The following OTUD7B variants were observed in gnomAD, a reference collection of about 807,000 sequenced individuals.
OTUD7B encodes the protein OTU domain-containing protein 7B.
A neutral mutation model predicts 82.2 loss-of-function variants in OTUD7B; 34 were observed. That is an observed-to-expected ratio of 0.41 (90% CI 0.31 to 0.55). OTUD7B has a LOEUF of 0.55. OTUD7B is among the 20% of genes least tolerant of loss of function. OTUD7B has a pLI of 0.20. For missense variants in OTUD7B, 944 were observed against 1,062.1 expected (o/e 0.89, Z 1.55); for synonymous variants, 398 against 402.7 (o/e 0.99, Z 0.14).
At chr1:150,006,194 A>C (rs1479428805) in intron 1 of OTUD7B, among the ~76,000 whole-genome samples, 5 of 152,218 alleles carry the variant, frequency 3.3e-5, no homozygotes, top group Non-Finnish European at 7.3e-5. Context: ...ACACTGGCTC[A>C]CGCCTGTAAT....
rs1553775274 is a variant in OTUD7B at position 149,959,722 on chromosome 1, G to C, written c.807C>G (p.Pro269=). The C allele has an allele frequency of 6.2e-7, 1 of 1,613,882 alleles. No homozygotes were observed. The highest frequency in any genetic ancestry group is 1.7e-5 in the Admixed American group (1 of 60,002). The change falls in exon 7 of 12, where the codon CCC becomes CCG. Residue 269 remains proline (P), a synonymous_variant. Coordinates refer to ENST00000581312, the MANE Select transcript of OTUD7B (RefSeq NM_020205.4). Reference sequence around the variant, plus strand: ...CTCCATTGGTACCTAGATGCATTCGGGGTTCACTTGAGGCAAGCTTGATCA... The same window carrying C: ...CTCCATTGGTACCTAGATGCATTCGCGGTTCACTTGAGGCAAGCTTGATCA... ...NELIKLASSE[P]RMHLGTNGAN...
At chr1:150,025,363 C>T in the OTUD7B span, among the ~76,000 whole-genome samples, 28 of 151,112 alleles carry the variant, frequency 1.9e-4, no homozygotes, top group Non-Finnish European at 2.9e-4. Context: ...TGCAGTGAGC[C>T]GAGATCGTGC....
rs781873761 is a variant in OTUD7B at position 149,944,582 on chromosome 1, T to C, written c.1807A>G (p.Met603Val). 2 of 1,614,146 alleles carry C rather than the reference T, an allele frequency of 1.2e-6. No individual in the cohort carries two copies. Among genetic ancestry groups the C allele is most frequent in the Admixed American group, 3.3e-5 (2 of 60,020 alleles). The change falls in exon 12 of 12, where the codon ATG (methionine) becomes GTG (valine). Residue 603 changes from methionine to valine, a missense_variant. Transcript: ENST00000581312. Reference protein sequence around the residue: ...MQSLSILRTAMQGEGKFIFVG... With the variant: ...MQSLSILRTAVQGEGKFIFVG... ...AAAATAAACTTCCCCTCCCCTTGCA[T>C]GGCAGTCCTCAGAATGCTCAGGCTC...
chr1:150,061,414 T>C, the OTUD7B span, among the ~76,000 whole-genome samples: 1 of 152,260 alleles, frequency 6.6e-6, no homozygotes, highest in Admixed American at 6.5e-5. Context: ...TATTTTGTTA[T>C]AAAATCATAC....
the OTUD7B span, among the ~76,000 whole-genome samples, chr1:150,065,228 T>C: frequency 5.6e-3 from 858 of 152,252 alleles, 11 homozygotes; most frequent in African/African-American, 0.02. Context: ...CTGGCCACCA[T>C]GCCCAACTAA....
At chr1:149,987,891 CAGCTACAT>C (rs1651261811) in intron 1 of OTUD7B, among the ~76,000 whole-genome samples, 2 of 152,174 alleles carry the variant, frequency 1.3e-5, no homozygotes, top group Admixed American at 1.3e-4. Flanking sequence ...TAGATGTACA[CAGCTACAT>C]AGCTCATTCA....
Position 149,943,623 on chromosome 1 carries a change from C to T in OTUD7B, c.*234G>A. 1.9e-6 allele frequency: 1 copy of T among 534,042 alleles called. No homozygotes were observed. The highest frequency in any genetic ancestry group is 3.3e-6 in the Non-Finnish European group (1 of 299,236). The allele number at this position is 534,042 out of a possible 1,614,324, so 33.1% of individuals were successfully genotyped here. On this transcript the variant is annotated 3_prime_UTR_variant, in exon 12 of 12. Coordinates refer to ENST00000581312, the MANE Select transcript of OTUD7B (RefSeq NM_020205.4). ...CCATCTTTTCCCCTTGTACCTCAAACCTCATCAAGTCAAGCTCTGCAGAGG... is the reference window on the plus strand; with the variant it reads ...CCATCTTTTCCCCTTGTACCTCAAATCTCATCAAGTCAAGCTCTGCAGAGG...
chr1:149,989,396 C>G (rs1651404085), intron 1 of OTUD7B, among the ~76,000 whole-genome samples: 1 of 148,698 alleles, frequency 6.7e-6, no homozygotes, highest in African/African-American at 2.5e-5. Context: ...TTGCTTGAAC[C>G]TGGGAGGCAG....
upstream of OTUD7B, among the ~76,000 whole-genome samples, chr1:150,014,098 A>T (rs1653198674): frequency 1.2e-4 from 1 of 8,276 alleles, no homozygotes; most frequent in Admixed American, 1.3e-3. Flanking sequence ...ATATATATAT[A>T]TATATATAGT....
At chr1:150,008,405 T>G (rs1197935813) in intron 1 of OTUD7B, among the ~76,000 whole-genome samples, 1 of 152,176 alleles carries the variant, frequency 6.6e-6, no homozygotes, top group Non-Finnish European at 1.5e-5. Context: ...AATAGGGGTC[T>G]CAAAAGAAAG....
the OTUD7B span, among the ~76,000 whole-genome samples, chr1:150,035,963 T>TG: frequency 1.3e-5 from 2 of 151,172 alleles, no homozygotes; most frequent in Admixed American, 6.6e-5. Flanking sequence ...AACTGTTTTT[T>TG]TTTTTTTTTT....
the OTUD7B span, among the ~76,000 whole-genome samples, chr1:150,023,842 T>G: frequency 1.3e-5 from 2 of 152,220 alleles, no homozygotes; most frequent in Non-Finnish European, 2.9e-5. Context: ...TTAGCTTGAT[T>G]TTAATCTTTC....
At chr1:149,970,741 C>A (rs1553777452) in intron 3 of OTUD7B, among the ~76,000 whole-genome samples, 1 of 152,180 alleles carries the variant, frequency 6.6e-6, no homozygotes, top group East Asian at 1.9e-4. Context: ...CAAATATTAA[C>A]AAATTACCCC....
chr1:149,945,043 G>C lies in OTUD7B; in HGVS notation c.1346C>G (p.Ser449Cys), dbSNP rs781974987. ...CTCATCTCCAGCTGAGGCGGTGGGG[G>C]ACTCAGGCTGGGCCAGAGGAGCCTG... ...DAQAPLAQPESPTASAGDEPR... is the reference protein window; with the variant it reads ...DAQAPLAQPECPTASAGDEPR... Residue 449 changes from serine to cysteine, a missense_variant, in exon 12 of 12, where the codon TCC becomes TGC. Physicochemically the swap from Ser to Cys is moderately radical, Grantham distance 112. Transcript: ENST00000581312. 1 of 1,613,842 alleles carries C rather than the reference G, an allele frequency of 6.2e-7. No individual in the cohort carries two copies. Among genetic ancestry groups the C allele is most frequent in the South Asian group, 1.1e-5 (1 of 91,068 alleles).
In OTUD7B at chr1:149,950,208, CAG is replaced by C. The variant is rs1553773055; in HGVS notation, c.857_858del (p.Ser286Ter). 6.2e-7 allele frequency: 1 copy of C among 1,614,036 alleles called. No homozygotes were observed. On this transcript the variant is annotated frameshift_variant, in exon 8 of 12. Transcript: ENST00000581312. LOFTEE classifies it high-confidence loss of function. ...TCAAGGCTCTCATATACAGGCTCCT[CAG>C]AACTCTCCACCCTGGAACGACGGGA... ...NGANCGGVES[S>X]EEPVYESLEE...
In OTUD7B at chr1:149,950,975, G is replaced by GTTTTTTTTTTT. The variant is rs1376360627; in HGVS notation, c.846-755_846-754insAAAAAAAAAAA. Among the ~76,000 whole-genome samples the GTTTTTTTTTTT allele has an allele frequency of 8.2e-4, 10 of 12,252 alleles. 1 individual carries two copies. The highest frequency in any genetic ancestry group is 0.038 in the Middle Eastern group (1 of 26). The allele number at this position is 12,252 out of a possible 152,430, so 8.0% of individuals were successfully genotyped here. A position where few individuals can be genotyped will look rare whatever the true frequency, so the allele number is the denominator to read the frequency against. On this transcript the variant is annotated intron_variant, in intron 7 of 11. Coordinates refer to ENST00000581312, the MANE Select transcript of OTUD7B (RefSeq NM_020205.4). Reference sequence around the variant, plus strand: ...CCCGGTCTAATTTTTTGTACTTTTTGTATTTTTTTTTTTTTTTTTTTTTTG... The same window carrying GTTTTTTTTTTT: ...CCCGGTCTAATTTTTTGTACTTTTTGTTTTTTTTTTTTATTTTTTTTTTTTTTTTTTTTTTG...
chr1:150,044,511 G>A, the OTUD7B span, among the ~76,000 whole-genome samples: 1 of 151,780 alleles, frequency 6.6e-6, no homozygotes, highest in South Asian at 2.1e-4. Context: ...TATATTACAG[G>A]CATGAGCCCA....
At chr1:149,996,603 T>C (rs1248674414) in intron 1 of OTUD7B, among the ~76,000 whole-genome samples, 3 of 152,234 alleles carry the variant, frequency 2.0e-5, no homozygotes, top group Non-Finnish European at 4.4e-5. Context: ...TGACATTCAC[T>C]ATAGCATCCT....
In OTUD7B at chr1:149,950,799, C is replaced by T. The variant is rs200544705; in HGVS notation, c.846-578G>A. 6.7e-3 allele frequency among the ~76,000 whole-genome samples: 843 copies of T among 126,032 alleles called. 5 individuals are homozygous for T. Among genetic ancestry groups the T allele is most frequent in the Middle Eastern group, 0.024 (6 of 246 alleles). 82.7% of individuals were successfully genotyped at this position (126,032 alleles called of 152,430 possible). On this transcript the variant is annotated intron_variant, in intron 7 of 11. Transcript: ENST00000581312. ...TCCCGTGTGTTTTTTGTTTTTTTTT[C>T]TTTTTTTTTTTTGAGATAGAGTCTC... is the stretch of plus-strand genomic sequence containing the variant.
Sources: gnomAD v4.1 joint callset for allele counts (sites outside exome capture counted in the v4.1 genomes callset) on GRCh38, gnomAD v4.1.1 for gene constraint, MANE v1.5 for transcripts, NCBI Gene and HGNC (gene_info 2026-07-23, HGNC 2026-07-21) for gene names.